The following STT3B variants were observed in gnomAD, a reference collection of about 807,000 sequenced individuals.
STT3B encodes STT3 oligosaccharyltransferase complex catalytic subunit B.
STT3B carries 29 observed loss-of-function variants against 96.8 expected under a neutral mutation model. That is an observed-to-expected ratio of 0.30 (90% CI 0.22 to 0.41). STT3B has a LOEUF of 0.41. Among genes scored for constraint, STT3B ranks in the 10% least tolerant of loss-of-function variants. STT3B has a pLI of 1.00. For missense variants in STT3B, 640 were observed against 1,022.3 expected (o/e 0.63, Z 5.10); for synonymous variants, 367 against 360.0 (o/e 1.02, Z -0.22).
intron 1 of STT3B, among the ~76,000 whole-genome samples, chr3:31,566,714 C>A (rs960574157): frequency 6.6e-6 from 1 of 152,092 alleles, no homozygotes. Context: ...AATCTCTACC[C>A]CTTCCTCCTT....
chr3:31,625,833 C>CA (rs1481266595), intron 12 of STT3B, 121 bp from the exon 13 acceptor site: 61 of 908,778 alleles, frequency 6.7e-5, no homozygotes, highest in South Asian at 5.1e-4. Context: ...ATCATTTCTG[C>CA]AAAAAAATTC....
intron 1 of STT3B, among the ~76,000 whole-genome samples, chr3:31,542,373 T>C (rs1055768470): frequency 4.6e-5 from 7 of 152,240 alleles, no homozygotes; most frequent in African/African-American, 1.2e-4. Context: ...TGTATTGATA[T>C]ATTTGTAGAG....
chr3:31,588,024 A>G (rs903259258), intron 3 of STT3B, among the ~76,000 whole-genome samples: 24 of 152,238 alleles, frequency 1.6e-4, no homozygotes, highest in African/African-American at 4.8e-4. Flanking sequence ...TGATAAGCCT[A>G]AGAAAACTTA....
intron 7 of STT3B, among the ~76,000 whole-genome samples, chr3:31,617,485 T>C (rs1362972207): frequency 6.6e-6 from 1 of 152,016 alleles, no homozygotes; most frequent in East Asian, 1.9e-4. Context: ...GAATTCTTTC[T>C]AAATTTATTC....
chr3:31,594,707 A>G (rs1199365457), intron 3 of STT3B, among the ~76,000 whole-genome samples: 2 of 152,228 alleles, frequency 1.3e-5, no homozygotes, highest in East Asian at 1.9e-4. Context: ...GGCATGAGCC[A>G]CTGGGCCCAG....
At chr3:31,608,247 T>G (rs1035983607) in intron 5 of STT3B, among the ~76,000 whole-genome samples, 1 of 152,192 alleles carries the variant, frequency 6.6e-6, no homozygotes, top group East Asian at 1.9e-4. Flanking sequence ...CATTTAAAAT[T>G]AGAAGTTTCA....
chr3:31,630,175 G>A (rs1397398597), intron 14 of STT3B, among the ~76,000 whole-genome samples: 1 of 152,114 alleles, frequency 6.6e-6, no homozygotes, highest in Non-Finnish European at 1.5e-5. Context: ...TGAGCTGAAG[G>A]CAATTTAGAA....
rs142985108 is a variant in STT3B at position 31,593,948 on chromosome 3, G to C, written c.712-2850G>C. Among the ~76,000 whole-genome samples the C allele has an allele frequency of 7.6e-4, 116 of 152,160 alleles. 1 individual carries two copies. The highest frequency in any genetic ancestry group is 6.8e-3 in the Middle Eastern group (2 of 294). ...CCAGCCTATACCTGTCCAAATTTGGGTCACACTTTCTTGTTTCTTTGCATG... is the reference window on the plus strand; with the variant it reads ...CCAGCCTATACCTGTCCAAATTTGGCTCACACTTTCTTGTTTCTTTGCATG... On this transcript the variant is annotated intron_variant, in intron 3 of 15. Transcript: ENST00000295770.
intron 1 of STT3B, among the ~76,000 whole-genome samples, chr3:31,552,087 G>A (rs529350431): frequency 2.0e-5 from 3 of 152,178 alleles, no homozygotes; most frequent in Non-Finnish European, 4.4e-5. Flanking sequence ...CTAAACAGAA[G>A]ATCCAGCTAA....
chr3:31,596,629 AGT>A (rs1352142616), intron 3 of STT3B, among the ~76,000 whole-genome samples, 167 bp from the exon 4 acceptor site: 2 of 152,262 alleles, frequency 1.3e-5, no homozygotes, highest in Non-Finnish European at 2.9e-5. Context: ...TGTGCTGCTC[AGT>A]GTTATAAATG....
Position 31,579,832 on chromosome 3 carries a change from C to T in STT3B, c.447C>T (p.Thr149=), listed in dbSNP as rs377390010. The T allele has an allele frequency of 3.1e-6, 5 of 1,612,556 alleles. No homozygotes were observed. The highest frequency in any genetic ancestry group is 2.2e-5 in the East Asian group (1 of 44,854). Residue 149 remains threonine (T), a synonymous_variant, in exon 3 of 16, where the codon ACC becomes ACT. Coordinates refer to ENST00000295770, the MANE Select transcript of STT3B (RefSeq NM_178862.3). ...AGGTTTACCCAGGGTTGATGATAAC[C>T]GCTGGCCTTATTCATTGGATTTTAA... The part of the protein sequence containing the change: ...GGTVYPGLMI[T]AGLIHWILNT...
At chr3:31,551,610 T>C (rs1247394410) in intron 1 of STT3B, among the ~76,000 whole-genome samples, 23 of 152,232 alleles carry the variant, frequency 1.5e-4, no homozygotes. Flanking sequence ...TTCCCACGAA[T>C]ACATGTTAAC....
At chr3:31,596,313 G>C (rs1419736861) in intron 3 of STT3B, among the ~76,000 whole-genome samples, 3 of 152,048 alleles carry the variant, frequency 2.0e-5, no homozygotes, top group Non-Finnish European at 4.4e-5. Flanking sequence ...GGTATCCTGA[G>C]GCTGAGGGAG....
intron 3 of STT3B, among the ~76,000 whole-genome samples, chr3:31,586,907 C>A (rs1228595725): frequency 2.6e-5 from 4 of 152,050 alleles, no homozygotes; most frequent in African/African-American, 9.7e-5. Context: ...AACGGAAAAG[C>A]CTTCTGGGAT....
Position 31,625,913 on chromosome 3 carries a change from G to A in STT3B, c.1900-41G>A, listed in dbSNP as rs748277744. 4.7e-6 allele frequency: 7 copies of A among 1,498,196 alleles called. No individual in the cohort carries two copies. The South Asian group carries it at 7.8e-5, about 17-fold the overall frequency. The allele number at this position is 1,498,196 out of a possible 1,614,324, so 92.8% of individuals were successfully genotyped here. A position where few individuals can be genotyped will look rare whatever the true frequency, so the allele number is the denominator to read the frequency against. ...TATACATTGATTTTTATGAATGTGG[G>A]AATAATCAAAAACATTCTCATTTTT... On this transcript the variant is annotated intron_variant, in intron 12 of 15. Transcript: ENST00000295770.
chr3:31,550,029 G>GTTTTTTGTATTTTGTTAT (rs1697513042), intron 1 of STT3B, among the ~76,000 whole-genome samples: 1 of 151,382 alleles, frequency 6.6e-6, no homozygotes, highest in Non-Finnish European at 1.5e-5. Context: ...CTCTTATTTT[G>GTTTTTTGTATTTTGTTAT]TTGTAATTTT....
chr3:31,594,578 C>A (rs1253890523), intron 3 of STT3B, among the ~76,000 whole-genome samples: 8 of 151,998 alleles, frequency 5.3e-5, no homozygotes, highest in African/African-American at 1.9e-4. Flanking sequence ...TATAGTCGTG[C>A]ACCACCACGC....
chr3:31,620,012 C>T (rs1012591670), intron 9 of STT3B, 182 bp downstream of exon 9: 8 of 1,438,682 alleles, frequency 5.6e-6, no homozygotes, highest in South Asian at 1.3e-5. Flanking sequence ...TGGTGGCACA[C>T]GCCTGTAATC....
At chr3:31,533,532 C>T (rs756218388) in intron 1 of STT3B, 110 of 461,018 alleles carry the variant, frequency 2.4e-4, no homozygotes, top group Non-Finnish European at 2.4e-4. Flanking sequence ...GGTCCAGGAG[C>T]GAAACCTTGA....
Sources: allele counts gnomAD v4.1 joint callset (sites outside exome capture counted in the v4.1 genomes callset), GRCh38; gene constraint gnomAD v4.1.1; transcripts MANE v1.5; gene names NCBI Gene and HGNC (gene_info 2026-07-23, HGNC 2026-07-21).